The following AMACR variants were observed in gnomAD, a reference collection of about 807,000 sequenced individuals.
AMACR encodes the protein alpha-methylacyl-CoA racemase, also known as 2-methylacyl-CoA racemase.
A neutral mutation model predicts 22.2 loss-of-function variants in AMACR; 18 were observed. That is an observed-to-expected ratio of 0.81 (90% CI 0.56 to 1.20). The LOEUF (loss-of-function observed/expected upper bound fraction) is 1.20, where lower values mean the gene tolerates loss of function less well. AMACR is among the 50% of genes most tolerant of loss of function. The pLI is 0.00. For synonymous variants in AMACR, 213 were observed against 191.3 expected (o/e 1.11, Z -0.94); for missense variants, 499 against 490.6 (o/e 1.02, Z -0.16).
intron 2 of AMACR, 139 bp downstream of exon 2, chr5:34,005,617 C>A: frequency 2.9e-6 from 3 of 1,043,946 alleles, no homozygotes; most frequent in Middle Eastern, 3.1e-4. Flanking sequence ...CAAACCGATC[C>A]ATTTTGAACA....
rs566754114 is a variant in AMACR, at chr5:33,991,080, C to A, written c.740-1578G>T. ...TCTTCACATGCTTTTAAAACAGTTT[C>A]TTTTTATCAGAATGTGATCAGAATC... is the stretch of plus-strand genomic sequence containing the variant. On this transcript the variant is annotated intron_variant, in intron 4 of 4. Coordinates refer to ENST00000335606, the MANE Select transcript of AMACR (RefSeq NM_014324.6). Among the ~76,000 whole-genome samples the A allele has an allele frequency of 7.9e-5, 12 of 152,312 alleles. No individual in the cohort carries two copies. In the East Asian group the frequency reaches 2.3e-3, roughly 29 times the overall value.
intron 3 of AMACR, 24 bp from the exon 4 acceptor site, chr5:33,998,851 C>A: frequency 6.2e-7 from 1 of 1,609,600 alleles, no homozygotes; most frequent in African/African-American, 1.3e-5. Context: ...GAATACAAGA[C>A]AAATCCAGAT....
At chr5:33,999,870 CT>C (rs535554603) in intron 3 of AMACR, among the ~76,000 whole-genome samples, 2 of 152,252 alleles carry the variant, frequency 1.3e-5, no homozygotes, top group South Asian at 4.1e-4. Context: ...ACGGCAGTGC[CT>C]TTTTTTGAGG....
intron 4 of AMACR, chr5:33,994,028 T>C (rs1753563878): frequency 2.2e-6 from 1 of 455,314 alleles, no homozygotes; most frequent in Non-Finnish European, 4.4e-6. Context: ...TCCTAGAAAA[T>C]AGCAGGGACG....
At chr5:33,998,331 G>A (rs529287068) in intron 4 of AMACR, among the ~76,000 whole-genome samples, 1 of 152,136 alleles carries the variant, frequency 6.6e-6, no homozygotes, top group Non-Finnish European at 1.5e-5. Context: ...CATTTCTAGG[G>A]AAGAGTAAGA....
intron 4 of AMACR, among the ~76,000 whole-genome samples, chr5:33,992,695 G>GT (rs1190758949): frequency 1.3e-5 from 2 of 152,154 alleles, no homozygotes; most frequent in East Asian, 3.8e-4. Flanking sequence ...AGGCAACAGT[G>GT]TAAGTCCTTG....
At chr5:34,002,079 C>A (rs1225105862) in intron 3 of AMACR, among the ~76,000 whole-genome samples, 2 of 152,032 alleles carry the variant, frequency 1.3e-5, no homozygotes, top group African/African-American at 2.4e-5. Flanking sequence ...TCACTGCAAC[C>A]TCTGCCTCCT....
At chr5:33,998,046 T>C (rs577955273) in intron 4 of AMACR, among the ~76,000 whole-genome samples, 2 of 151,954 alleles carry the variant, frequency 1.3e-5, no homozygotes, top group Non-Finnish European at 2.9e-5. Context: ...TTCAAACATT[T>C]CTCAGGAACA....
rs1753716129 is a variant in AMACR at position 33,998,685 on chromosome 5, G to A, written c.695C>T (p.Ala232Val). 1 of 1,613,696 alleles carries A rather than the reference G, an allele frequency of 6.2e-7. No individual in the cohort carries two copies. Among genetic ancestry groups the A allele is most frequent in the East Asian group, 2.2e-5 (1 of 44,868 alleles). ...GAACTGGGGTTCTATTGCTCCAACA[G>A]CCATGAATTCCCCATCTGCTGTCCT... is the stretch of plus-strand genomic sequence containing the variant. ...TYRTADGEFM[A>V]VGAIEPQFYE... Residue 232 changes from alanine (A) to valine (V), a missense_variant, in exon 4 of 5, where the codon GCT becomes GTT. Coordinates refer to ENST00000335606, the MANE Select transcript of AMACR (RefSeq NM_014324.6).
chr5:34,005,003 T>A (rs1753929389), intron 2 of AMACR, among the ~76,000 whole-genome samples: 1 of 152,240 alleles, frequency 6.6e-6, no homozygotes, highest in South Asian at 2.1e-4. Context: ...CACTTACTTT[T>A]GGAAAAGAAA....
At chr5:33,993,391 T>C (rs1016564862) in intron 4 of AMACR, among the ~76,000 whole-genome samples, 5 of 152,218 alleles carry the variant, frequency 3.3e-5, no homozygotes, top group African/African-American at 4.8e-5. Context: ...AACACAGATA[T>C]ACAAATATAT....
intron 3 of AMACR, among the ~76,000 whole-genome samples, chr5:34,001,256 T>C (rs1009112569): frequency 6.6e-6 from 1 of 152,204 alleles, no homozygotes; most frequent in Admixed American, 6.5e-5. Context: ...AACGAATGAC[T>C]CATGAATTGG....
At position 33,988,880 on chromosome 5, in the gene AMACR, T is replaced by C. The variant is rs1159600126; in HGVS notation, c.*213A>G. The C allele has an allele frequency of 1.0e-5, 14 of 1,396,762 alleles. No homozygotes were observed. Among genetic ancestry groups the C allele is most frequent in the Non-Finnish European group, 1.3e-5 (14 of 1,080,076 alleles). The allele number at this position is 1,396,762 out of a possible 1,614,324, so 86.5% of individuals were successfully genotyped here. A position where few individuals can be genotyped will look rare whatever the true frequency, so the allele number is the denominator to read the frequency against. On this transcript the variant is annotated 3_prime_UTR_variant, in exon 5 of 5. Transcript: ENST00000335606. ...GCAGAATAACTACCATAATTTAGTA[T>C]AAGTACCCAAAGTTTTATAAATCAA...
intron 3 of AMACR, among the ~76,000 whole-genome samples, chr5:34,004,243 T>C (rs1018521414): frequency 3.3e-5 from 5 of 152,136 alleles, no homozygotes; most frequent in African/African-American, 1.2e-4. Flanking sequence ...GCACAAGAGA[T>C]ACTTGGGGAA....
intron 1 of AMACR, 64 bp from the exon 2 acceptor site, chr5:34,005,963 C>A: frequency 6.3e-7 from 1 of 1,576,498 alleles, no homozygotes. Flanking sequence ...AATCCCTTCT[C>A]TGAGACAAAC....
chr5:33,997,653 G>C (rs1377862444), intron 4 of AMACR: 1 of 689,396 alleles, frequency 1.5e-6, no homozygotes, highest in Non-Finnish European at 2.6e-6. Flanking sequence ...ATTTGGAGCA[G>C]TGACAAAAGG....
rs142919987 is a variant in AMACR, at chr5:34,002,277, G to A, written c.552+2297C>T. Among the ~76,000 whole-genome samples, 415 of 152,330 alleles carry A rather than the reference G, an allele frequency of 2.7e-3. 3 individuals carry two copies. The highest frequency in any genetic ancestry group is 9.4e-3 in the African/African-American group (389 of 41,574). ...CTCCCAAAGTGCTGGGATTACAGGC[G>A]TGAGCCACCATGCCCAGCCAACCTT... On this transcript the variant is annotated intron_variant, in intron 3 of 4. Transcript: ENST00000335606.
Position 33,989,564 on chromosome 5 carries a change from A to G in AMACR, c.740-62T>C, listed in dbSNP as rs551032049. On this transcript the variant is annotated intron_variant, in intron 4 of 4. Coordinates refer to ENST00000335606, the MANE Select transcript of AMACR (RefSeq NM_014324.6). Reference sequence around the variant, plus strand: ...TGAACAGAGCAATTATAATCAATAAAAATGAATGCTGAGCCCACTGTACTA... The same window carrying G: ...TGAACAGAGCAATTATAATCAATAAGAATGAATGCTGAGCCCACTGTACTA... 94 of 1,367,680 alleles carry G rather than the reference A, an allele frequency of 6.9e-5. No individual in the cohort carries two copies. The East Asian group carries it at 1.6e-3, about 23-fold the overall frequency. 84.7% of individuals were successfully genotyped at this position (1,367,680 alleles called of 1,614,324 possible).
intron 4 of AMACR, among the ~76,000 whole-genome samples, chr5:33,996,570 G>C (rs541603922): frequency 6.6e-6 from 1 of 152,174 alleles, no homozygotes; most frequent in South Asian, 2.1e-4. Context: ...AGGATAGCTT[G>C]AAGTCAGGAG....
Sources: gnomAD v4.1 joint callset for allele counts (sites outside exome capture counted in the v4.1 genomes callset) on GRCh38, gnomAD v4.1.1 for gene constraint, MANE v1.5 for transcripts, NCBI Gene and HGNC (gene_info 2026-07-23, HGNC 2026-07-21) for gene names.